Variants in SLC8A1 observed in about 807,000 individuals in gnomAD.
SLC8A1 encodes sodium/calcium exchanger 1.
Under a neutral mutation model 68.3 loss-of-function variants are expected in SLC8A1, and 18 were observed. The ratio of observed to expected loss-of-function variants is 0.26; its 90% CI spans 0.18 to 0.39. The LOEUF is 0.39. Ranked by LOEUF, SLC8A1 falls within the 10% of genes least tolerant of loss-of-function variation. SLC8A1 has a pLI of 1.00. For synonymous variants in SLC8A1, 475 were observed against 415.5 expected (o/e 1.14, Z -1.74); for missense variants, 985 against 1,156.7 (o/e 0.85, Z 2.15).
intron 1 of SLC8A1, among the ~76,000 whole-genome samples, chr2:40,439,558 G>C (rs1274396048): frequency 6.6e-6 from 1 of 152,120 alleles, no homozygotes; most frequent in African/African-American, 2.4e-5. Flanking sequence ...TTGAATGACA[G>C]TCAATCCAGC....
exon 8 of SLC8A1, chr2:40,106,754 C>T (rs2034222848): frequency 6.6e-6 from 1 of 152,168 alleles, no homozygotes; most frequent in Non-Finnish European, 1.5e-5. Flanking sequence ...TGCTTAGATT[C>T]AATGCTACAA....
At chr2:40,330,716 G>C (rs2076323449) in intron 2 of SLC8A1, among the ~76,000 whole-genome samples, 1 of 152,166 alleles carries the variant, frequency 6.6e-6, no homozygotes, top group South Asian at 2.1e-4. Flanking sequence ...CCAATTACCA[G>C]CTCATAAAGG....
At chr2:40,356,896 A>G (rs1452196219) in intron 2 of SLC8A1, among the ~76,000 whole-genome samples, 2 of 152,196 alleles carry the variant, frequency 1.3e-5, no homozygotes, top group Non-Finnish European at 2.9e-5. Flanking sequence ...TTAAGCCTCA[A>G]TTATAAAAAA....
chr2:40,367,423 C>T (rs1024899561), intron 2 of SLC8A1, among the ~76,000 whole-genome samples: 1 of 152,052 alleles, frequency 6.6e-6, no homozygotes, highest in African/African-American at 2.4e-5. Flanking sequence ...GGTATCGCTA[C>T]ACACATCCCT....
At chr2:40,307,195 A>G (rs933207211) in intron 2 of SLC8A1, among the ~76,000 whole-genome samples, 2 of 151,798 alleles carry the variant, frequency 1.3e-5, no homozygotes, top group Non-Finnish European at 1.5e-5. Flanking sequence ...ACACACACCA[A>G]TATAACAGAA....
exon 8 of SLC8A1, chr2:40,106,413 C>T (rs2034201945): frequency 6.6e-6 from 1 of 151,986 alleles, no homozygotes; most frequent in Admixed American, 6.5e-5. Flanking sequence ...GTGCTAGACT[C>T]ATTTAACAAC....
chr2:40,473,792 A>G (rs539795793), intron 1 of SLC8A1, among the ~76,000 whole-genome samples: 1 of 152,292 alleles, frequency 6.6e-6, no homozygotes, highest in Non-Finnish European at 1.5e-5. Flanking sequence ...TTACACACCC[A>G]GTGGTGGGGA....
intron 2 of SLC8A1, among the ~76,000 whole-genome samples, chr2:40,376,605 AG>A (rs2149529867): frequency 6.6e-6 from 1 of 152,208 alleles, no homozygotes; most frequent in South Asian, 2.1e-4. Context: ...GAAAAGGAAA[AG>A]GAAAGGAAAG....
At chr2:40,194,364 A>G (rs758078613) in intron 2 of SLC8A1, among the ~76,000 whole-genome samples, 4 of 152,034 alleles carry the variant, frequency 2.6e-5, no homozygotes, top group South Asian at 4.1e-4. Flanking sequence ...ATTACAACCA[A>G]GATGATATAA....
chr2:40,205,098 ATTTCCTT>A (rs1486034267), intron 2 of SLC8A1, among the ~76,000 whole-genome samples: 3 of 151,984 alleles, frequency 2.0e-5, no homozygotes, highest in Non-Finnish European at 4.4e-5. Context: ...TGGCCAACTT[ATTTCCTT>A]TTAAGAAAAA....
At chr2:40,172,093 C>T (rs533202917) in intron 4 of SLC8A1, among the ~76,000 whole-genome samples, 1 of 152,206 alleles carries the variant, frequency 6.6e-6, no homozygotes, top group Admixed American at 6.5e-5. Context: ...TCTTACTGCC[C>T]CTGCATCTCA....
chr2:40,204,399 A>G (rs1021745262), intron 2 of SLC8A1, among the ~76,000 whole-genome samples: 1 of 152,054 alleles, frequency 6.6e-6, no homozygotes, highest in Non-Finnish European at 1.5e-5. Flanking sequence ...TTTCCACCCC[A>G]GTTGAGAGTA....
chr2:40,269,121 C>T (rs1039639409), intron 2 of SLC8A1, among the ~76,000 whole-genome samples: 1 of 152,180 alleles, frequency 6.6e-6, no homozygotes, highest in African/African-American at 2.4e-5. Context: ...GTTCATAAGG[C>T]TTCCAGAACT....
chr2:40,169,851 G>C (rs938082291), intron 4 of SLC8A1, among the ~76,000 whole-genome samples: 1 of 152,136 alleles, frequency 6.6e-6, no homozygotes, highest in Non-Finnish European at 1.5e-5. Context: ...TGAGGTGTGA[G>C]GATCCCTTGG....
chr2:40,123,880 G>A (rs1558440907), intron 7 of SLC8A1, among the ~76,000 whole-genome samples: 1 of 152,164 alleles, frequency 6.6e-6, no homozygotes, highest in South Asian at 2.1e-4. Context: ...CTAACTTCCT[G>A]CTTAAACACA....
chr2:40,284,678 ACAC>A (rs571869983), intron 2 of SLC8A1, among the ~76,000 whole-genome samples: 261 of 150,414 alleles, frequency 1.7e-3, no homozygotes, highest in African/African-American at 6.1e-3. Flanking sequence ...ATATACACAC[ACAC>A]AATTTCTCAT....
At chr2:40,409,183 C>T (rs941003571) in intron 2 of SLC8A1, among the ~76,000 whole-genome samples, 2 of 152,128 alleles carry the variant, frequency 1.3e-5, no homozygotes, top group Non-Finnish European at 1.5e-5. Flanking sequence ...CACATCGGTA[C>T]AGCTTCTGGT....
At chr2:40,461,948 A>AGAATATGC (rs1703363875) in intron 1 of SLC8A1, among the ~76,000 whole-genome samples, 2 of 150,456 alleles carry the variant, frequency 1.3e-5, no homozygotes, top group Admixed American at 1.3e-4. Context: ...TAAAATGGAA[A>AGAATATGC]GAATATGCTA....
chr2:40,141,127 G>C (rs982508767), intron 6 of SLC8A1, among the ~76,000 whole-genome samples: 1 of 152,112 alleles, frequency 6.6e-6, no homozygotes, highest in African/African-American at 2.4e-5. Flanking sequence ...TACTTTACTT[G>C]GTCCCACTAG....
Sources: allele counts gnomAD v4.1 joint callset (sites outside exome capture counted in the v4.1 genomes callset), GRCh38; gene constraint gnomAD v4.1.1; transcripts MANE v1.5; gene names NCBI Gene and HGNC (gene_info 2026-07-23, HGNC 2026-07-21).